Variants in SMARCA2 observed in about 807,000 individuals in gnomAD.
SMARCA2 encodes the protein SWI/SNF related BAF chromatin remodeling complex subunit ATPase 2.
SMARCA2 carries 61 observed loss-of-function variants against 199.8 expected under a neutral mutation model. The ratio of observed to expected loss-of-function variants is 0.31; its 90% CI spans 0.25 to 0.38. The LOEUF is 0.38. Ranked by LOEUF, SMARCA2 falls within the 10% of genes least tolerant of loss-of-function variation. The pLI is 1.00. For synonymous variants in SMARCA2, 935 were observed against 732.0 expected (o/e 1.28, Z -4.48); for missense variants, 1,344 against 2,012.2 (o/e 0.67, Z 6.35).
intron 27 of SMARCA2, among the ~76,000 whole-genome samples, chr9:2,147,236 G>A (rs1266672262): frequency 1.1e-5 from 1 of 93,442 alleles, no homozygotes; most frequent in Non-Finnish European, 2.1e-5. Context: ...AATGTACTGA[G>A]TGACCAAAAA....
intron 27 of SMARCA2, among the ~76,000 whole-genome samples, chr9:2,146,544 G>A (rs1232484244): frequency 1.3e-5 from 2 of 152,182 alleles, no homozygotes; most frequent in Admixed American, 1.3e-4. Context: ...GATCCCAAGA[G>A]AGGGTTCTTG....
At chr9:2,082,306 G>GGGGT (rs1354905840) in intron 15 of SMARCA2, among the ~76,000 whole-genome samples, 2 of 121,796 alleles carry the variant, frequency 1.6e-5, no homozygotes, top group East Asian at 4.8e-4. Flanking sequence ...AAAGGGGAAA[G>GGGGT]GTGTGTGTGT....
rs1825022852 is a variant in SMARCA2 at position 2,150,787 on chromosome 9, A to C, written c.3982-10899A>C. ...TGTGGAGGCTGGAAGTCTGAGATCA[A>C]GGTGTCAGCAGGTTTGGTTTCTTCT... On this transcript the variant is annotated intron_variant, in intron 27 of 33. Coordinates refer to ENST00000349721, the MANE Select transcript of SMARCA2 (RefSeq NM_003070.5). Among the ~76,000 whole-genome samples, 3 of 151,616 alleles carry C rather than the reference A, an allele frequency of 2.0e-5. No homozygotes were observed. The South Asian group carries it at 6.2e-4, about 32-fold the overall frequency.
intron 2 of SMARCA2, among the ~76,000 whole-genome samples, chr9:2,031,167 T>C (rs903657199): frequency 6.6e-6 from 1 of 152,220 alleles, no homozygotes; most frequent in Non-Finnish European, 1.5e-5. Flanking sequence ...TCTTTTTTCA[T>C]TTAACAATGT....
chr9:2,083,787 A>G (rs1821673645), intron 16 of SMARCA2, among the ~76,000 whole-genome samples: 1 of 152,240 alleles, frequency 6.6e-6, no homozygotes, highest in African/African-American at 2.4e-5. Flanking sequence ...CTTTCTCAAC[A>G]GAACTGGAGC....
intron 27 of SMARCA2, among the ~76,000 whole-genome samples, chr9:2,143,710 A>G (rs1824576450): frequency 6.6e-6 from 1 of 152,238 alleles, no homozygotes; most frequent in Non-Finnish European, 1.5e-5. Flanking sequence ...TGCTACCTTT[A>G]GATGAGACGG....
intron 3 of SMARCA2, among the ~76,000 whole-genome samples, chr9:2,036,415 A>G (rs1819336210): frequency 6.6e-6 from 1 of 152,166 alleles, no homozygotes; most frequent in Non-Finnish European, 1.5e-5. Flanking sequence ...ATCTGCATCA[A>G]CACTGTCATC....
At chr9:2,173,590 A>G (rs1886261) in intron 29 of SMARCA2, among the ~76,000 whole-genome samples, 35,423 of 152,070 alleles carry the variant, frequency 0.23, 5,320 homozygotes, top group African/African-American at 0.43. Flanking sequence ...TCAAGCTGAC[A>G]GTTTATCGTG....
At chr9:2,080,898 T>C (rs1196721463) in intron 14 of SMARCA2, among the ~76,000 whole-genome samples, 1 of 152,236 alleles carries the variant, frequency 6.6e-6, no homozygotes, top group Admixed American at 6.5e-5. Flanking sequence ...AAGGGAGGCA[T>C]GCATCTTACA....
In SMARCA2 at chr9:2,158,713, T is replaced by C. The variant is rs547688387; in HGVS notation, c.3982-2973T>C. The C allele has an allele frequency of 1.5e-5, 6 of 410,792 alleles. No homozygotes were observed. In the South Asian group the frequency reaches 2.4e-4, roughly 16 times the overall value. 25.4% of individuals were successfully genotyped at this position (410,792 alleles called of 1,614,324 possible). A position where few individuals can be genotyped will look rare whatever the true frequency, so the allele number is the denominator to read the frequency against. ...TGAGTTTGAGTCAGTTGAGCCAGTT[T>C]AGTAAATAATTTTTTAAAATAAAAG... On this transcript the variant is annotated intron_variant, in intron 27 of 33. Coordinates refer to ENST00000349721, the MANE Select transcript of SMARCA2 (RefSeq NM_003070.5).
In SMARCA2 at chr9:2,119,359, G is replaced by C; in HGVS notation, c.3685-99G>C. 1.3e-6 allele frequency: 1 copy of C among 748,844 alleles called. No individual in the cohort carries two copies. The highest frequency in any genetic ancestry group is 2.6e-5 in the East Asian group (1 of 38,742). 46.4% of individuals were successfully genotyped at this position (748,844 alleles called of 1,614,324 possible). A position where few individuals can be genotyped will look rare whatever the true frequency, so the allele number is the denominator to read the frequency against. ...ACCCCTTCCCTTTTCTTTCTGCCTT[G>C]AGAAATGGGACCCCTCTGGTCTGGA... On this transcript the variant is annotated intron_variant, in intron 25 of 33. Transcript: ENST00000349721. This position sits in a 1 kb window ranked among gnomAD's most constrained non-coding sequence, Gnocchi z 4.6.
At chr9:2,087,159 A>AC in intron 18 of SMARCA2, 88 bp downstream of exon 18, 1 of 1,503,842 alleles carries the variant, frequency 6.6e-7, no homozygotes. Context: ...GCCACAGAAC[A>AC]CCCGCAGGGT....
At chr9:2,191,029 G>C (rs941845083) in intron 32 of SMARCA2, among the ~76,000 whole-genome samples, 4 of 152,148 alleles carry the variant, frequency 2.6e-5, no homozygotes, top group Non-Finnish European at 5.9e-5. Flanking sequence ...ATGAGACCTC[G>C]GTCCCTCTTG....
rs1194657584 is a variant in SMARCA2 at position 2,017,085 on chromosome 9, GGTTTCCGGTACAC to G, written c.-37+1683_-37+1695del. 6.6e-6 allele frequency: 1 copy of G among 152,262 alleles called. No individual in the cohort carries two copies. The highest frequency in any genetic ancestry group is 2.4e-5 in the African/African-American group (1 of 41,438). The allele number at this position is 152,262 out of a possible 1,614,324, so 9.4% of individuals were successfully genotyped here. Reference sequence around the variant, plus strand: ...GCGCCTTGGCCGGGGCACTTGGGCCGGTTTCCGGTACACGCGGGGAAATCGCCTCCTGCCAGTG... The same window carrying G: ...GCGCCTTGGCCGGGGCACTTGGGCCGGCGGGGAAATCGCCTCCTGCCAGTG... On this transcript the variant is annotated intron_variant, in intron 1 of 33. Transcript: ENST00000349721. This position sits in a 1 kb window ranked among gnomAD's most constrained non-coding sequence, Gnocchi z 8.8.
chr9:2,015,586 CA>C (rs536951743), intron 1 of SMARCA2, among the ~76,000 whole-genome samples, 182 bp downstream of exon 1: 2 of 151,722 alleles, frequency 1.3e-5, no homozygotes, highest in Non-Finnish European at 2.9e-5. Context: ...ACCGCCGCGA[CA>C]AAAAAAAGCC....
chr9:2,058,225 G>C (rs770561994), intron 7 of SMARCA2, 66 bp from the exon 8 acceptor site: 51 of 1,404,726 alleles, frequency 3.6e-5, no homozygotes, highest in South Asian at 3.6e-5. Flanking sequence ...GGACAACACT[G>C]ATAGCTCAGA....
chr9:2,114,948 C>T (rs948658028), intron 24 of SMARCA2, among the ~76,000 whole-genome samples: 5 of 151,962 alleles, frequency 3.3e-5, no homozygotes, highest in African/African-American at 9.7e-5. Context: ...GTCATTAAAT[C>T]TCCTACAATA....
intron 22 of SMARCA2, among the ~76,000 whole-genome samples, chr9:2,103,503 T>C (rs1053783297): frequency 6.6e-6 from 1 of 152,174 alleles, no homozygotes; most frequent in African/African-American, 2.4e-5. Context: ...ATTATATACA[T>C]GGCTAGCACT....
At chr9:2,020,431 T>A (rs1489558745) in intron 1 of SMARCA2, among the ~76,000 whole-genome samples, 5 of 152,186 alleles carry the variant, frequency 3.3e-5, no homozygotes, top group Admixed American at 6.5e-5. Flanking sequence ...GGTGGTAATT[T>A]ATTTGATAGC....
Sources: allele counts gnomAD v4.1 joint callset (sites outside exome capture counted in the v4.1 genomes callset), GRCh38; gene constraint gnomAD v4.1.1; non-coding constraint Gnocchi (gnomAD v3.1); transcripts MANE v1.5; gene names NCBI Gene and HGNC (gene_info 2026-07-23, HGNC 2026-07-21).